The following PCNX1 variants were observed in gnomAD, a reference collection of about 807,000 sequenced individuals.
The protein encoded by PCNX1 is pecanex 1.
Under a neutral mutation model 242.2 loss-of-function variants are expected in PCNX1, and 78 were observed. The ratio of observed to expected loss-of-function variants is 0.32; its 90% CI spans 0.27 to 0.39. PCNX1 has a LOEUF of 0.39. PCNX1 is among the 10% of genes least tolerant of loss of function. The pLI, the probability that PCNX1 is intolerant of heterozygous loss-of-function variation, is 1.00. For missense variants in PCNX1, 2,581 were observed against 2,856.5 expected, an observed-to-expected ratio of 0.90 and a Z score of 2.20; for synonymous variants, 1,024 against 1,032.9, an observed-to-expected ratio of 0.99 and a Z score of 0.17.
At chr14:70,920,373 T>C (rs562651842) in intron 1 of PCNX1, among the ~76,000 whole-genome samples, 1 of 152,350 alleles carries the variant, frequency 6.6e-6, no homozygotes, top group South Asian at 2.1e-4. Context: ...TCATCTTTAC[T>C]ATGGCTTTCT....
chr14:71,025,447 G>A (rs780694017), intron 13 of PCNX1, among the ~76,000 whole-genome samples: 4 of 151,734 alleles, frequency 2.6e-5, no homozygotes, highest in Non-Finnish European at 5.9e-5. Context: ...TTTTTGGTAG[G>A]TAATGGTATT....
chr14:71,076,048 A>AT, intron 27 of PCNX1, 141 bp from the exon 28 acceptor site: 1 of 596,952 alleles, frequency 1.7e-6, no homozygotes, highest in Non-Finnish European at 2.9e-6. Context: ...TTGAGGGGGA[A>AT]TAAAATACTT....
rs1566608551 is a variant in PCNX1, at chr14:70,949,282, TACACACAC to T, written c.362+2160_362+2167del. ...ACACACGTGTATGCACACACGTGTA[TACACACAC>T]GTGTGTACACACATATGTGTGTAGA... On this transcript the variant is annotated intron_variant, in intron 2 of 35. Transcript: ENST00000304743. Among the ~76,000 whole-genome samples the T allele has an allele frequency of 8.8e-3, 425 of 48,284 alleles. 1 individual carries two copies. Among genetic ancestry groups the T allele is most frequent in the Non-Finnish European group, 0.019 (341 of 17,820 alleles). The allele number at this position is 48,284 out of a possible 152,430, so 31.7% of individuals were successfully genotyped here.
At position 71,103,564 on chromosome 14, in the gene PCNX1, C is replaced by G; in HGVS notation, c.5990C>G (p.Pro1997Arg). Reference protein sequence around the residue: ...QPIGYPIFVSPLTTSYSDSHE... With the variant: ...QPIGYPIFVSRLTTSYSDSHE... ...ATTGGCTACCCAATCTTTGTCTCAC[C>G]CCTGACAACTTCTTACTCTGACAGC... Residue 1997 changes from proline to arginine, a missense_variant, in exon 32 of 36, where the codon CCC (proline) becomes CGC (arginine). Around this residue, in one of 9 missense-constraint regions of PCNX1, gnomAD observed 432 missense variants for 433.6 expected, o/e 1.00. Coordinates refer to ENST00000304743, the MANE Select transcript of PCNX1 (RefSeq NM_014982.3). 1.2e-6 allele frequency: 2 copies of G among 1,614,112 alleles called. No individual in the cohort carries two copies. The highest frequency in any genetic ancestry group is 1.7e-6 in the Non-Finnish European group (2 of 1,180,004).
intron 1 of PCNX1, among the ~76,000 whole-genome samples, chr14:70,924,736 A>G (rs1460182574): frequency 6.6e-6 from 1 of 151,778 alleles, no homozygotes; most frequent in Non-Finnish European, 1.5e-5. Context: ...GTAAGCACAC[A>G]CCCCACCACG....
rs2141918772 is a variant in PCNX1 at position 71,110,212 on chromosome 14, A to C, written c.*277A>C. On this transcript the variant is annotated 3_prime_UTR_variant, in exon 36 of 36. Coordinates refer to ENST00000304743, the MANE Select transcript of PCNX1 (RefSeq NM_014982.3). Reference sequence around the variant, plus strand: ...AGTTCTGTTAAAATACATCCTTAAAAAAAGTTTTTCCTATGCATTGCCTAT... The same window carrying C: ...AGTTCTGTTAAAATACATCCTTAAACAAAGTTTTTCCTATGCATTGCCTAT... The C allele has an allele frequency of 2.3e-6, 1 of 432,248 alleles. No individual in the cohort carries two copies. Among genetic ancestry groups the C allele is most frequent in the South Asian group, 2.3e-5 (1 of 43,388 alleles). 26.8% of individuals were successfully genotyped at this position (432,248 alleles called of 1,614,324 possible). A position where few individuals can be genotyped will look rare whatever the true frequency, so the allele number is the denominator to read the frequency against.
rs761837188 is a variant in PCNX1 at position 71,088,315 on chromosome 14, T to G, written c.5338-15T>G. 4.0e-6 allele frequency: 6 copies of G among 1,502,692 alleles called. No individual in the cohort carries two copies. The highest frequency in any genetic ancestry group is 5.6e-6 in the Non-Finnish European group (6 of 1,080,870). 93.1% of individuals were successfully genotyped at this position (1,502,692 alleles called of 1,614,324 possible). ...CATACCTTTCTGATAACTAATGTTT[T>G]TTGTTTTTTTAAAGCCTGTGGATGT... On this transcript the variant is annotated splice_polypyrimidine_tract_variant and intron_variant, in intron 28 of 35. Transcript: ENST00000304743.
intron 34 of PCNX1, 38 bp from the exon 35 acceptor site, chr14:71,109,414 A>G (rs2062708341): frequency 6.4e-7 from 1 of 1,558,476 alleles, no homozygotes; most frequent in Non-Finnish European, 8.7e-7. Context: ...CATCATCAAG[A>G]AAAAAATGAA....
intron 1 of PCNX1, among the ~76,000 whole-genome samples, chr14:70,940,095 T>A (rs534008350): frequency 1.3e-5 from 2 of 152,216 alleles, no homozygotes; most frequent in Non-Finnish European, 2.9e-5. Context: ...TTTGCCAGTC[T>A]GTGTCTTTTA....
intron 28 of PCNX1, among the ~76,000 whole-genome samples, chr14:71,084,719 G>A (rs1277692518): frequency 6.6e-6 from 1 of 152,166 alleles, no homozygotes; most frequent in Admixed American, 6.5e-5. Context: ...AGCATCCCAG[G>A]TCAACTTCAG....
At chr14:71,058,777 G>A (rs2141256182) in intron 26 of PCNX1, among the ~76,000 whole-genome samples, 1 of 152,334 alleles carries the variant, frequency 6.6e-6, no homozygotes, top group Admixed American at 6.5e-5. Flanking sequence ...TTAATGCGGA[G>A]TAAATGTTGA....
intron 1 of PCNX1, among the ~76,000 whole-genome samples, chr14:70,910,806 T>G (rs975886728): frequency 2.0e-5 from 3 of 152,220 alleles, no homozygotes; most frequent in Non-Finnish European, 4.4e-5. Context: ...AAAGCACATG[T>G]AGTACTCCGA....
At position 70,977,967 on chromosome 14, in the gene PCNX1, C is replaced by T; in HGVS notation, c.1630C>T (p.Pro544Ser). 1 of 1,614,138 alleles carries T rather than the reference C, an allele frequency of 6.2e-7. No homozygotes were observed. The highest frequency in any genetic ancestry group is 8.5e-7 in the Non-Finnish European group (1 of 1,180,022). The change falls in exon 6 of 36, where the codon CCT becomes TCT. Residue 544 changes from proline to serine, a missense_variant. Physicochemically the swap from Pro to Ser is moderately conservative, Grantham distance 74. This residue lies in a region of PCNX1 where 1,204 missense variants were observed against 1,216.7 expected (regional missense o/e 0.99). Coordinates refer to ENST00000304743, the MANE Select transcript of PCNX1 (RefSeq NM_014982.3). ...GGKQKEGDVR[P>S]KSSSVIHRTA... The stretch of plus-strand genomic sequence containing the variant: ...AAAGCAAAAGGAAGGGGATGTTCGA[C>T]CTAAATCTTCTAGCGTAATCCATCG...
At chr14:70,920,342 G>A (rs1252500956) in intron 1 of PCNX1, among the ~76,000 whole-genome samples, 1 of 152,126 alleles carries the variant, frequency 6.6e-6, no homozygotes, top group Non-Finnish European at 1.5e-5. Context: ...TTCAGTCCAG[G>A]CCACTGTGTT....
chr14:71,044,226 G>A (rs1380850624), intron 19 of PCNX1: 3 of 152,672 alleles, frequency 2.0e-5, no homozygotes, highest in East Asian at 1.9e-4. Context: ...GCAGTGGGTT[G>A]GGTGTGCTAG....
chr14:70,941,955 GTGT>G (rs1566595626), intron 1 of PCNX1, among the ~76,000 whole-genome samples: 1 of 152,224 alleles, frequency 6.6e-6, no homozygotes, highest in Non-Finnish European at 1.5e-5. Context: ...ATCTCCTGGT[GTGT>G]TGTTTGCTAA....
intron 8 of PCNX1, among the ~76,000 whole-genome samples, chr14:71,006,495 T>G (rs1249237157): frequency 2.0e-5 from 3 of 152,156 alleles, no homozygotes; most frequent in African/African-American, 7.2e-5. Flanking sequence ...TAATCCAAAT[T>G]CATGTGAGAA....
Position 71,047,887 on chromosome 14 carries a change from C to T in PCNX1, c.4241C>T (p.Thr1414Ile). ...AGCAGCCCTACATATCAGTATGTTA[C>T]AGTCATCTTTACTGTGCTGTTTTTC... ...SFSSPTYQYV[T>I]VIFTVLFFKF... The change falls in exon 22 of 36, where the codon ACA (threonine) becomes ATA (isoleucine). Residue 1414 changes from threonine (T) to isoleucine (I), a missense_variant. Around this residue, in one of 9 missense-constraint regions of PCNX1, gnomAD observed 432 missense variants for 443.1 expected, o/e 0.97. Transcript: ENST00000304743. 2 of 1,613,134 alleles carry T rather than the reference C, an allele frequency of 1.2e-6. No individual in the cohort carries two copies. The highest frequency in any genetic ancestry group is 1.1e-5 in the South Asian group (1 of 91,056).
chr14:71,006,317 G>A (rs2059667001), intron 8 of PCNX1, among the ~76,000 whole-genome samples: 1 of 152,042 alleles, frequency 6.6e-6, no homozygotes, highest in Non-Finnish European at 1.5e-5. Context: ...TGTCTTTAGA[G>A]ATGCAGTCCC....
Sources: allele counts gnomAD v4.1 joint callset (sites outside exome capture counted in the v4.1 genomes callset), GRCh38; gene constraint gnomAD v4.1.1; regional missense constraint gnomAD v4.1.1; transcripts MANE v1.5; gene names NCBI Gene and HGNC (gene_info 2026-07-23, HGNC 2026-07-21).